CDYL: variants seen among roughly 807,000 people sequenced by gnomAD.
The protein encoded by CDYL is chromodomain Y-like protein.
Under a neutral mutation model 47.3 loss-of-function variants are expected in CDYL, and 8 were observed. That is an observed-to-expected ratio of 0.17 (90% CI 0.10 to 0.31). CDYL has a LOEUF of 0.31. Among genes scored for constraint, CDYL ranks in the 10% least tolerant of loss-of-function variants. The pLI is 1.00. For missense variants in CDYL, 471 were observed against 701.4 expected, an observed-to-expected ratio of 0.67 and a Z score of 3.71; for synonymous variants, 266 against 265.0, an observed-to-expected ratio of 1.00 and a Z score of -0.04.
chr6:4,859,597 G>A (rs1299701436), intron 1 of CDYL, among the ~76,000 whole-genome samples: 1 of 152,160 alleles, frequency 6.6e-6, no homozygotes, highest in African/African-American at 2.4e-5. Flanking sequence ...TCTGTCCTTA[G>A]GTAATTAGAT....
At chr6:4,853,292 G>A (rs1760906302) in intron 1 of CDYL, among the ~76,000 whole-genome samples, 1 of 152,194 alleles carries the variant, frequency 6.6e-6, no homozygotes, top group Admixed American at 6.5e-5. Context: ...ACAACCGCGA[G>A]GGTAGATATT....
intron 1 of CDYL, among the ~76,000 whole-genome samples, chr6:4,814,786 G>C (rs1759624558): frequency 6.6e-6 from 1 of 152,212 alleles, no homozygotes; most frequent in Non-Finnish European, 1.5e-5. Flanking sequence ...GCCTCCCAAA[G>C]TGCTGGAATT....
intron 4 of CDYL, among the ~76,000 whole-genome samples, chr6:4,940,424 G>A (rs1758330250): frequency 6.6e-6 from 1 of 151,070 alleles, no homozygotes; most frequent in Non-Finnish European, 1.5e-5. Context: ...CATTTCTCTG[G>A]TGTCTTGTCT....
intron 2 of CDYL, among the ~76,000 whole-genome samples, chr6:4,723,476 T>G (rs926613239): frequency 3.9e-5 from 6 of 151,900 alleles, no homozygotes; most frequent in Non-Finnish European, 8.8e-5. Context: ...GTGGGCATAG[T>G]TAGAGAAAAC....
At chr6:4,869,385 C>T (rs140351806) in intron 1 of CDYL, among the ~76,000 whole-genome samples, 18 of 152,086 alleles carry the variant, frequency 1.2e-4, no homozygotes, top group Admixed American at 2.0e-4. Flanking sequence ...TGTGAGCCAC[C>T]GTGCCTGGCC....
At chr6:4,713,574 T>A (rs1308196689) in intron 1 of CDYL, among the ~76,000 whole-genome samples, 1 of 141,864 alleles carries the variant, frequency 7.0e-6, no homozygotes, top group East Asian at 2.0e-4. Context: ...TCTTAAAACT[T>A]CTATCATTTA....
intron 1 of CDYL, among the ~76,000 whole-genome samples, chr6:4,845,996 C>T (rs2127461154): frequency 6.6e-6 from 1 of 152,178 alleles, no homozygotes; most frequent in Non-Finnish European, 1.5e-5. Flanking sequence ...CAATATTTAA[C>T]TGCTATTATG....
intron 3 of CDYL, among the ~76,000 whole-genome samples, chr6:4,737,028 T>A (rs536877146): frequency 1.3e-5 from 2 of 152,162 alleles, no homozygotes; most frequent in African/African-American, 4.8e-5. Context: ...CCCGAGAAAC[T>A]GCTAACAGTG....
chr6:4,749,564 G>A (rs920305146), intron 3 of CDYL, among the ~76,000 whole-genome samples: 3 of 152,226 alleles, frequency 2.0e-5, no homozygotes, highest in Non-Finnish European at 4.4e-5. Context: ...TTATTGAATA[G>A]ACTGTTTCAA....
intron 2 of CDYL, among the ~76,000 whole-genome samples, chr6:4,719,571 T>TG (rs1179551847): frequency 3.3e-5 from 5 of 152,058 alleles, no homozygotes; most frequent in African/African-American, 1.2e-4. Flanking sequence ...TTAAAATTAT[T>TG]ACTCATTTTC....
intron 2 of CDYL, among the ~76,000 whole-genome samples, chr6:4,927,065 T>C (rs1368641291): frequency 2.6e-5 from 4 of 152,358 alleles, no homozygotes; most frequent in African/African-American, 9.6e-5. Context: ...GGTGCACGTG[T>C]GCCATAATTA....
intron 1 of CDYL, among the ~76,000 whole-genome samples, chr6:4,889,288 G>T (rs943941633): frequency 6.6e-6 from 1 of 151,314 alleles, no homozygotes; most frequent in Non-Finnish European, 1.5e-5. Context: ...GCAGTGGCTC[G>T]ATCTTGGCTC....
intron 2 of CDYL, among the ~76,000 whole-genome samples, chr6:4,934,576 C>T (rs1345738282): frequency 6.6e-6 from 1 of 152,210 alleles, no homozygotes; most frequent in Non-Finnish European, 1.5e-5. Context: ...ATCTAGTTTT[C>T]TTACATTTCA....
At chr6:4,822,714 C>T (rs1392214471) in intron 1 of CDYL, among the ~76,000 whole-genome samples, 1 of 152,152 alleles carries the variant, frequency 6.6e-6, no homozygotes, top group East Asian at 1.9e-4. Context: ...GAAAATGAAA[C>T]CCTATTTCAT....
At chr6:4,793,212 GCA>G (rs1231329970) in intron 1 of CDYL, among the ~76,000 whole-genome samples, 1 of 152,196 alleles carries the variant, frequency 6.6e-6, no homozygotes, top group Admixed American at 6.5e-5. Context: ...GGTTGGTACT[GCA>G]TCGCGTTCAT....
chr6:4,848,551 C>T (rs577555453), intron 1 of CDYL, among the ~76,000 whole-genome samples: 3 of 152,192 alleles, frequency 2.0e-5, no homozygotes, highest in Non-Finnish European at 4.4e-5. Context: ...CAATGAAGGT[C>T]TTCGACACAG....
intron 5 of CDYL, among the ~76,000 whole-genome samples, chr6:4,946,434 T>G (rs1029737032): frequency 6.6e-6 from 1 of 152,158 alleles, no homozygotes; most frequent in Non-Finnish European, 1.5e-5. Context: ...GCCTGCTGGA[T>G]GAGGCTCTGG....
At chr6:4,763,649 AT>A (rs1012441322) in intron 3 of CDYL, among the ~76,000 whole-genome samples, 18 of 152,282 alleles carry the variant, frequency 1.2e-4, no homozygotes, top group African/African-American at 4.3e-4. Context: ...TAATAGAATA[AT>A]TTTTTTGTAG....
chr6:4,826,349 G>T (rs1050497596), intron 1 of CDYL, among the ~76,000 whole-genome samples: 1 of 151,688 alleles, frequency 6.6e-6, no homozygotes, highest in African/African-American at 2.4e-5. Context: ...TATTCTCTAT[G>T]TATCTTACCC....
Sources: allele counts gnomAD v4.1 joint callset (sites outside exome capture counted in the v4.1 genomes callset), GRCh38; gene constraint gnomAD v4.1.1; transcripts MANE v1.5; gene names NCBI Gene and HGNC (gene_info 2026-07-23, HGNC 2026-07-21).